Variants in FYB1 observed in about 807,000 individuals in gnomAD.
FYB1 encodes the protein FYN binding protein 1.
In FYB1, 41 loss-of-function variants were observed where a neutral mutation model predicts 94.1. The observed-to-expected ratio is 0.44, with a 90% CI of 0.34 to 0.57. FYB1 has a LOEUF of 0.57. FYB1 is among the 20% of genes least tolerant of loss of function. The pLI is 0.02. For missense variants in FYB1, 1,050 were observed against 976.8 expected, an observed-to-expected ratio of 1.07 and a Z score of -1.00; for synonymous variants, 367 against 353.2, an observed-to-expected ratio of 1.04 and a Z score of -0.44.
rs773904224 is a variant in FYB1, at chr5:39,202,356, G to A, written c.605C>T (p.Pro202Leu). ...ATGGGAGTTCTCGGTACTTAGGGGC[G>A]GCTTCTGGCCAAAGGCGGGTTTGGG... Reference protein sequence around the residue: ...LFPKPAFGQKPPLSTENSHED... With the variant: ...LFPKPAFGQKLPLSTENSHED... The change falls in exon 2 of 19, where the codon CCG becomes CTG. Residue 202 changes from proline (P) to leucine (L), a missense_variant. Pro to Leu is a moderately conservative substitution (Grantham distance 98). Coordinates refer to ENST00000512982, the MANE Select transcript of FYB1 (RefSeq NM_001465.6). 18 of 1,613,806 alleles carry A rather than the reference G, an allele frequency of 1.1e-5. No individual in the cohort carries two copies. Among genetic ancestry groups the A allele is most frequent in the East Asian group, 6.7e-5 (3 of 44,878 alleles).
At chr5:39,180,305 G>A (rs1273385497) in intron 2 of FYB1, among the ~76,000 whole-genome samples, 1 of 152,156 alleles carries the variant, frequency 6.6e-6, no homozygotes, top group African/African-American at 2.4e-5. Flanking sequence ...TTCTACTCAA[G>A]CCTTGCCTCC....
At chr5:39,217,978 T>G (rs1750000690) in intron 1 of FYB1, among the ~76,000 whole-genome samples, 1 of 152,228 alleles carries the variant, frequency 6.6e-6, no homozygotes, top group Admixed American at 6.5e-5. Flanking sequence ...TCAGTGTGAT[T>G]GCTCTATGAA....
intron 1 of FYB1, among the ~76,000 whole-genome samples, chr5:39,262,279 T>C (rs751239977): frequency 2.0e-5 from 3 of 151,788 alleles, no homozygotes; most frequent in Non-Finnish European, 2.9e-5. Flanking sequence ...CTAGAATATA[T>C]AAGAAATTCC....
chr5:39,190,833 T>C (rs977707993), intron 2 of FYB1, among the ~76,000 whole-genome samples: 1 of 150,610 alleles, frequency 6.6e-6, no homozygotes, highest in Non-Finnish European at 1.5e-5. Context: ...ACATCTCACA[T>C]CTGGTTTCTA....
chr5:39,196,251 C>T (rs978887794), intron 2 of FYB1, among the ~76,000 whole-genome samples: 11 of 149,692 alleles, frequency 7.3e-5, no homozygotes, highest in Non-Finnish European at 1.6e-4. Context: ...CTTTGTCACC[C>T]AGGCTGGAGT....
At chr5:39,178,362 T>C (rs1745919111) in intron 2 of FYB1, among the ~76,000 whole-genome samples, 1 of 152,210 alleles carries the variant, frequency 6.6e-6, no homozygotes, top group Non-Finnish European at 1.5e-5. Flanking sequence ...GTAGCGTTTA[T>C]TGAGTGTGTA....
In FYB1 at chr5:39,253,470, T is replaced by C. The variant is rs183292140; in HGVS notation, c.-28+20933A>G. Among the ~76,000 whole-genome samples, 5 of 151,974 alleles carry C rather than the reference T, an allele frequency of 3.3e-5. No homozygotes were observed. In the East Asian group the frequency reaches 9.6e-4, roughly 29 times the overall value. ...AAATGACAACAACAAAATCTTTTTTTTAAAAAAAATATTTTAGGTTCAGGG... is the reference window on the plus strand; with the variant it reads ...AAATGACAACAACAAAATCTTTTTTCTAAAAAAAATATTTTAGGTTCAGGG... On this transcript the variant is annotated intron_variant, in intron 1 of 1. Transcript: ENST00000510188.
At chr5:39,187,838 GT>G (rs60559853) in intron 2 of FYB1, among the ~76,000 whole-genome samples, 115,679 of 150,770 alleles carry the variant, frequency 0.77, 44,488 homozygotes, top group East Asian at 0.92. Flanking sequence ...GTAGTGCTAA[GT>G]TTTTTTTTTT....
chr5:39,184,241 A>G (rs1421922673), intron 2 of FYB1, among the ~76,000 whole-genome samples: 1 of 152,230 alleles, frequency 6.6e-6, no homozygotes, highest in Admixed American at 6.5e-5. Flanking sequence ...CAACCAACTG[A>G]TCAATGAAAT....
At chr5:39,224,681 T>G (rs531513249) in intron 1 of FYB1, among the ~76,000 whole-genome samples, 1 of 152,286 alleles carries the variant, frequency 6.6e-6, no homozygotes, top group South Asian at 2.1e-4. Context: ...TCTTTGACTT[T>G]AACAGCTACT....
At chr5:39,199,116 A>G (rs1748089611) in intron 2 of FYB1, among the ~76,000 whole-genome samples, 1 of 151,514 alleles carries the variant, frequency 6.6e-6, no homozygotes, top group Non-Finnish European at 1.5e-5. Flanking sequence ...ATTATTATTT[A>G]ATTATTTAAT....
intron 2 of FYB1, among the ~76,000 whole-genome samples, chr5:39,171,815 G>C (rs1318899318): frequency 1.3e-5 from 2 of 152,134 alleles, no homozygotes; most frequent in Middle Eastern, 3.2e-3. Context: ...CTTTCTGCAA[G>C]AGCCAAAGCA....
upstream of FYB1, among the ~76,000 whole-genome samples, chr5:39,221,511 C>G (rs1271119818): frequency 6.6e-6 from 1 of 152,174 alleles, no homozygotes; most frequent in Non-Finnish European, 1.5e-5. Context: ...GTATTAAGCT[C>G]AAAGTATGAA....
At chr5:39,222,716 T>C (rs1487080092), upstream of FYB1, among the ~76,000 whole-genome samples, 1 of 152,226 alleles carries the variant, frequency 6.6e-6, no homozygotes, top group Non-Finnish European at 1.5e-5. Context: ...AGCGGAAGTA[T>C]AGATACTTGC....
intron 9 of FYB1, among the ~76,000 whole-genome samples, chr5:39,133,432 G>A (rs1419979222): frequency 6.6e-6 from 1 of 151,962 alleles, no homozygotes; most frequent in Non-Finnish European, 1.5e-5. Context: ...AGGAATGAAA[G>A]GAGAAAGGGA....
chr5:39,122,482 T>C (rs1740217940), intron 13 of FYB1, 80 bp from the exon 14 acceptor site: 7 of 836,282 alleles, frequency 8.4e-6, no homozygotes, highest in Non-Finnish European at 1.4e-5. Context: ...GTTTTTAATA[T>C]AAAGATTGCT....
chr5:39,246,434 T>C (rs2150599704), intron 1 of FYB1, among the ~76,000 whole-genome samples: 1 of 152,326 alleles, frequency 6.6e-6, no homozygotes, highest in East Asian at 1.9e-4. Context: ...TCTGCTCCTG[T>C]CATAAGGATA....
intron 1 of FYB1, among the ~76,000 whole-genome samples, chr5:39,232,640 A>G (rs544516732): frequency 6.6e-6 from 1 of 151,860 alleles, no homozygotes. Flanking sequence ...ATATGTATAC[A>G]TGTGCCATGC....
intron 2 of FYB1, among the ~76,000 whole-genome samples, chr5:39,155,999 T>C (rs1743716086): frequency 6.6e-6 from 1 of 152,182 alleles, no homozygotes; most frequent in Non-Finnish European, 1.5e-5. Flanking sequence ...AGAATACGCC[T>C]CTGTGAGTAG....
Sources: allele counts gnomAD v4.1 joint callset (sites outside exome capture counted in the v4.1 genomes callset), GRCh38; gene constraint gnomAD v4.1.1; transcripts MANE v1.5; gene names NCBI Gene and HGNC (gene_info 2026-07-23, HGNC 2026-07-21).